PCSK6: variants seen among roughly 807,000 people sequenced by gnomAD.
PCSK6 encodes proprotein convertase subtilisin/kexin type 6.
PCSK6 carries 85 observed loss-of-function variants against 123.3 expected under a neutral mutation model. That is an observed-to-expected ratio of 0.69 (90% CI 0.58 to 0.83). The LOEUF (loss-of-function observed/expected upper bound fraction) is 0.83. Ranked by LOEUF, PCSK6 falls within the 40% of genes least tolerant of loss-of-function variation. PCSK6 has a pLI of 0.00. For missense variants in PCSK6, 1,191 were observed against 1,282.3 expected (o/e 0.93, Z 1.09); for synonymous variants, 508 against 516.0 (o/e 0.98, Z 0.21).
rs2042492573 is a variant in PCSK6 at position 101,398,621 on chromosome 15, C to G, written c.824-45G>C. The G allele has an allele frequency of 4.4e-6, 7 of 1,580,004 alleles. No individual in the cohort carries two copies. The highest frequency in any genetic ancestry group is 6.0e-6 in the Non-Finnish European group (7 of 1,162,368). ...TCGGTGTCGGCGCCCAGGCTCCGGG[C>G]ACACAGCGACGGGAACCCGGGCCCA... On this transcript the variant is annotated intron_variant, in intron 6 of 21. Coordinates refer to ENST00000611716, the MANE Select transcript of PCSK6 (RefSeq NM_002570.5). The surrounding 1 kb of genome is among the most constrained non-coding windows in gnomAD (Gnocchi z 4.6).
rs778282659 is a variant in PCSK6 at position 101,305,346 on chromosome 15, G to C, written c.2822C>G (p.Thr941Arg). The change falls in exon 22 of 22, where the codon ACA (threonine) becomes AGA (arginine). Residue 941 changes from threonine to arginine, a missense_variant. Around this residue, in one of 3 missense-constraint regions of PCSK6, gnomAD observed 630 missense variants for 631.4 expected, o/e 1.00. Transcript: ENST00000611716. The surrounding 1 kb of genome is among the most constrained non-coding windows in gnomAD (Gnocchi z 4.8). The part of the protein sequence containing the change: ...TNHTCSNADE[T>R]FCEMVKSNRL... Reference sequence around the variant, plus strand: ...GTTGGACTTCACCATCTCGCAGAATGTCTCGTCAGCTGGGGCCCCGCATCA... The same window carrying C: ...GTTGGACTTCACCATCTCGCAGAATCTCTCGTCAGCTGGGGCCCCGCATCA... 2.5e-5 allele frequency: 41 copies of C among 1,612,064 alleles called. No homozygotes were observed. Among genetic ancestry groups the C allele is most frequent in the Non-Finnish European group, 3.5e-5 (41 of 1,179,724 alleles).
intron 1 of PCSK6, among the ~76,000 whole-genome samples, chr15:101,485,957 A>ATTTT (rs11303524): frequency 6.9e-5 from 8 of 116,096 alleles, no homozygotes; most frequent in Admixed American, 9.4e-5. Flanking sequence ...ATTTATTTAA[A>ATTTT]TTTTTTTTTT....
At chr15:101,486,900 A>G (rs1189889100) in intron 1 of PCSK6, among the ~76,000 whole-genome samples, 1 of 152,262 alleles carries the variant, frequency 6.6e-6, no homozygotes, top group Non-Finnish European at 1.5e-5. Context: ...AGAATACGGC[A>G]GAAGCAAATG....
chr15:101,384,097 T>TATAGGAGACCCCAGACTCTTGTGACC (rs2041988482), intron 10 of PCSK6: 1 of 980,684 alleles, frequency 1.0e-6, no homozygotes, highest in South Asian at 4.8e-5. Flanking sequence ...AGTTATAGAG[T>TATAGGAGACCCCAGACTCTTGTGACC]ATAGGAGACC....
chr15:101,312,692 A>C (rs190541584), intron 20 of PCSK6, among the ~76,000 whole-genome samples: 11 of 152,068 alleles, frequency 7.2e-5, no homozygotes, highest in Middle Eastern at 3.4e-3. Flanking sequence ...ATTAGTGGGG[A>C]GTGGTGGCGG....
chr15:101,412,712 T>TATATAA lies in PCSK6; in HGVS notation c.824-14137_824-14136insTTATAT, dbSNP rs376981204. 7.3e-3 allele frequency among the ~76,000 whole-genome samples: 990 copies of TATATAA among 136,322 alleles called. 19 individuals are homozygous for TATATAA. The highest frequency in any genetic ancestry group is 0.034 in the Admixed American group (477 of 14,072). The allele number at this position is 136,322 out of a possible 152,430, so 89.4% of individuals were successfully genotyped here. On this transcript the variant is annotated intron_variant, in intron 6 of 21. Transcript: ENST00000611716. The stretch of plus-strand genomic sequence containing the variant: ...AAAATTATATATATATATATATATA[T>TATATAA]AAAATTACCCAATCTGAACAACATA...
chr15:101,460,754 ATGT>A (rs1176056499), intron 1 of PCSK6, among the ~76,000 whole-genome samples: 17 of 152,228 alleles, frequency 1.1e-4, no homozygotes, highest in African/African-American at 4.1e-4. Context: ...AAGACTAAAC[ATGT>A]CACACATTTG....
At chr15:101,412,713 A>T (rs2055737203) in intron 6 of PCSK6, among the ~76,000 whole-genome samples, 1 of 112,682 alleles carries the variant, frequency 8.9e-6, no homozygotes, top group African/African-American at 2.9e-5. Context: ...ATATATATAT[A>T]AAATTACCCA....
In PCSK6 at chr15:101,431,301, G is replaced by C; in HGVS notation, c.657+19C>G. 3 of 1,613,508 alleles carry C rather than the reference G, an allele frequency of 1.9e-6. No individual in the cohort carries two copies. Among genetic ancestry groups the C allele is most frequent in the East Asian group, 2.2e-5 (1 of 44,874 alleles). On this transcript the variant is annotated intron_variant, in intron 4 of 21. Coordinates refer to ENST00000611716, the MANE Select transcript of PCSK6 (RefSeq NM_002570.5). ...CACAGTTGAATATATTTGCATGTCAGTTCCGAGGATTGACTTACATAATTT... is the reference window on the plus strand; with the variant it reads ...CACAGTTGAATATATTTGCATGTCACTTCCGAGGATTGACTTACATAATTT...
At chr15:101,344,430 G>A (rs1358792212) in intron 13 of PCSK6, among the ~76,000 whole-genome samples, 1 of 152,142 alleles carries the variant, frequency 6.6e-6, no homozygotes, top group African/African-American at 2.4e-5. Flanking sequence ...TACATATGAA[G>A]CTCCAATAAC....
At chr15:101,434,702 G>A (rs981629205) in intron 2 of PCSK6, among the ~76,000 whole-genome samples, 4 of 152,208 alleles carry the variant, frequency 2.6e-5, no homozygotes, top group Non-Finnish European at 5.9e-5. Flanking sequence ...TCAGGCCAAT[G>A]GAACCGAACA....
chr15:101,321,360 T>G (rs2040118080), intron 18 of PCSK6, among the ~76,000 whole-genome samples: 1 of 152,170 alleles, frequency 6.6e-6, no homozygotes, highest in Non-Finnish European at 1.5e-5. Flanking sequence ...CCTAGCTGCT[T>G]GGGGTCCTCT....
chr15:101,384,156 C>T, intron 10 of PCSK6, 166 bp downstream of exon 10: 1 of 1,422,142 alleles, frequency 7.0e-7, no homozygotes, highest in South Asian at 1.5e-5. Flanking sequence ...CTGTGAGCTT[C>T]CGGGATACTT....
At chr15:101,317,065 C>A (rs975351807) in intron 19 of PCSK6, among the ~76,000 whole-genome samples, 7 of 152,176 alleles carry the variant, frequency 4.6e-5, no homozygotes, top group African/African-American at 1.7e-4. Context: ...GCGCCTGCCA[C>A]CAAACCTGGC....
At chr15:101,400,917 T>C (rs1481979272) in intron 6 of PCSK6, among the ~76,000 whole-genome samples, 1 of 152,176 alleles carries the variant, frequency 6.6e-6, no homozygotes, top group Non-Finnish European at 1.5e-5. Flanking sequence ...TTCCCTAAGG[T>C]TTTCCCCTTA....
rs1291885665 is a variant in PCSK6, at chr15:101,393,357, C to A, written c.1064G>T (p.Cys355Phe). Residue 355 changes from cysteine (C) to phenylalanine (F), a missense_variant, in exon 8 of 22, where the codon TGC becomes TTC. Cys to Phe is a radical substitution (Grantham distance 205, BLOSUM62 -2). This residue lies in a region of PCSK6 where 357 missense variants were observed against 484.5 expected (regional missense o/e 0.74). Coordinates refer to ENST00000611716, the MANE Select transcript of PCSK6 (RefSeq NM_002570.5). ...SGNGGREGDYCSCDGYTNSIY... is the reference protein window; with the variant it reads ...SGNGGREGDYFSCDGYTNSIY... ...GCTGTTGGTGTAGCCATCGCACGAG[C>A]AGTAGTCCCCCTCTCTCCCGCCATT... is the stretch of plus-strand genomic sequence containing the variant. 4 of 1,606,708 alleles carry A rather than the reference C, an allele frequency of 2.5e-6. No individual in the cohort carries two copies. The highest frequency in any genetic ancestry group is 3.4e-6 in the Non-Finnish European group (4 of 1,176,668).
chr15:101,347,645 C>T, intron 13 of PCSK6: 3 of 1,579,898 alleles, frequency 1.9e-6, no homozygotes, highest in Non-Finnish European at 2.6e-6. Context: ...AGAGATCCAG[C>T]TCTGGACTTC....
intron 6 of PCSK6, among the ~76,000 whole-genome samples, chr15:101,409,408 A>AC (rs914787251): frequency 6.6e-5 from 10 of 152,058 alleles, no homozygotes; most frequent in Non-Finnish European, 1.5e-4. Context: ...ACACAGTGAA[A>AC]CCCCGTCTCT....
intron 13 of PCSK6, among the ~76,000 whole-genome samples, chr15:101,350,894 A>G (rs1254094697): frequency 7.2e-5 from 11 of 152,220 alleles, no homozygotes; most frequent in Non-Finnish European, 1.6e-4. Context: ...GATTGTGAAC[A>G]TTTTCAGAAC....
Sources: gnomAD v4.1 joint callset for allele counts (sites outside exome capture counted in the v4.1 genomes callset) on GRCh38, gnomAD v4.1.1 for gene constraint, gnomAD v4.1.1 regional missense constraint, Gnocchi (gnomAD v3.1) non-coding constraint, MANE v1.5 for transcripts, NCBI Gene and HGNC (gene_info 2026-07-23, HGNC 2026-07-21) for gene names.